The following RSU1 variants were observed in gnomAD, a reference collection of about 807,000 sequenced individuals.
The protein encoded by RSU1 is Ras suppressor protein 1.
RSU1 carries 26 observed loss-of-function variants against 31.1 expected under a neutral mutation model. The observed-to-expected ratio is 0.84, with a 90% CI of 0.61 to 1.16. The LOEUF (loss-of-function observed/expected upper bound fraction) is 1.16. Ranked by LOEUF, RSU1 falls within the 50% of genes most tolerant of loss-of-function variation. RSU1 has a pLI of 0.00. For missense variants in RSU1, 320 were observed against 339.1 expected (o/e 0.94, Z 0.44); for synonymous variants, 164 against 136.3 (o/e 1.20, Z -1.41).
intron 2 of RSU1, among the ~76,000 whole-genome samples, chr10:16,799,239 A>C (rs1056203683): frequency 3.9e-5 from 6 of 152,228 alleles, no homozygotes; most frequent in Non-Finnish European, 8.8e-5. Flanking sequence ...TCTGGTTAGC[A>C]AATAGAGATT....
intron 7 of RSU1, among the ~76,000 whole-genome samples, chr10:16,717,709 T>G (rs1476284675): frequency 6.6e-6 from 1 of 152,168 alleles, no homozygotes; most frequent in African/African-American, 2.4e-5. Flanking sequence ...GGACATAAAC[T>G]GTTGTACTTC....
intron 3 of RSU1, among the ~76,000 whole-genome samples, chr10:16,769,582 G>C (rs1171027833): frequency 6.6e-6 from 1 of 152,196 alleles, no homozygotes. Context: ...GGGTATCCCG[G>C]AGTTTCTGAT....
intron 8 of RSU1, among the ~76,000 whole-genome samples, chr10:16,654,349 C>T (rs1485763915): frequency 3.2e-5 from 4 of 125,128 alleles, no homozygotes; most frequent in Non-Finnish European, 3.2e-5. Context: ...TTGTTGCCTA[C>T]ACCTAAATTT....
At chr10:16,620,381 G>A (rs1397174212) in intron 8 of RSU1, among the ~76,000 whole-genome samples, 1 of 151,958 alleles carries the variant, frequency 6.6e-6, no homozygotes, top group Non-Finnish European at 1.5e-5. Flanking sequence ...GGAGGGGAGG[G>A]AGGATCTGCT....
At chr10:16,800,635 T>C (rs1037166686) in intron 2 of RSU1, among the ~76,000 whole-genome samples, 3 of 152,164 alleles carry the variant, frequency 2.0e-5, no homozygotes, top group Non-Finnish European at 2.9e-5. Context: ...TTGATTATAG[T>C]TTACAGATAA....
At chr10:16,651,095 T>C (rs1158140137) in intron 8 of RSU1, among the ~76,000 whole-genome samples, 1 of 152,220 alleles carries the variant, frequency 6.6e-6, no homozygotes, top group Non-Finnish European at 1.5e-5. Flanking sequence ...GAATTTTTAC[T>C]ATGAAATAGT....
At chr10:16,657,529 G>GAAAA (rs397945910) in intron 8 of RSU1, among the ~76,000 whole-genome samples, 1 of 133,098 alleles carries the variant, frequency 7.5e-6, no homozygotes, top group African/African-American at 2.7e-5. Flanking sequence ...AATCATACTA[G>GAAAA]AAAAAAAAAA....
chr10:16,723,063 T>C (rs1836313897), intron 7 of RSU1: 1 of 151,392 alleles, frequency 6.6e-6, no homozygotes, highest in Non-Finnish European at 1.5e-5. Flanking sequence ...CACATATATA[T>C]CATGTGATAT....
intron 7 of RSU1, among the ~76,000 whole-genome samples, chr10:16,706,167 T>G (rs1057240462): frequency 6.6e-5 from 10 of 152,354 alleles, no homozygotes; most frequent in Admixed American, 6.5e-4. Flanking sequence ...GAAGTGAAAC[T>G]GCTGGGTCGT....
intron 7 of RSU1, among the ~76,000 whole-genome samples, chr10:16,725,458 A>G (rs1254226050): frequency 3.3e-5 from 5 of 152,196 alleles, no homozygotes; most frequent in Non-Finnish European, 7.3e-5. Context: ...TGTTCCCTCT[A>G]CAATTCAAGT....
chr10:16,651,461 G>C (rs1440318175), intron 8 of RSU1, among the ~76,000 whole-genome samples: 1 of 152,130 alleles, frequency 6.6e-6, no homozygotes, highest in Non-Finnish European at 1.5e-5. Context: ...CCACTGCTGG[G>C]TTTCCCTGCT....
rs11411668 is a variant in RSU1 at position 16,718,097 on chromosome 10, TA to T, written c.599-22943del. ...AGGTGTTTCCAAAGCTCAATTTATT[TA>T]AAAAAAAAAAAAAAAGAAAGAAAGA... On this transcript the variant is annotated intron_variant, in intron 7 of 8. Coordinates refer to ENST00000345264, the MANE Select transcript of RSU1 (RefSeq NM_012425.4). Among the ~76,000 whole-genome samples the T allele has an allele frequency of 4.1e-3, 553 of 136,174 alleles. 4 individuals carry two copies. The highest frequency in any genetic ancestry group is 7.0e-3 in the Admixed American group (96 of 13,628). The allele number at this position is 136,174 out of a possible 152,430, so 89.3% of individuals were successfully genotyped here. A position where few individuals can be genotyped will look rare whatever the true frequency, so the allele number is the denominator to read the frequency against.
At chr10:16,665,909 T>C (rs1266293842) in intron 8 of RSU1, among the ~76,000 whole-genome samples, 11 of 152,200 alleles carry the variant, frequency 7.2e-5, no homozygotes, top group African/African-American at 2.7e-4. Context: ...TTATGAATAA[T>C]TTTAATAAAT....
At chr10:16,789,189 A>T (rs1324588716) in intron 2 of RSU1, among the ~76,000 whole-genome samples, 1 of 152,208 alleles carries the variant, frequency 6.6e-6, no homozygotes, top group Non-Finnish European at 1.5e-5. Context: ...GAGAAACTAA[A>T]AAAGTTTAAA....
At chr10:16,683,976 TTAAGA>T (rs1198274643) in intron 8 of RSU1, among the ~76,000 whole-genome samples, 4 of 152,160 alleles carry the variant, frequency 2.6e-5, no homozygotes, top group Non-Finnish European at 5.9e-5. Flanking sequence ...AATGCTCAGG[TTAAGA>T]TAAAAGATTG....
intron 8 of RSU1, among the ~76,000 whole-genome samples, chr10:16,656,844 A>C (rs2131522026): frequency 6.6e-6 from 1 of 152,350 alleles, no homozygotes; most frequent in East Asian, 1.9e-4. Flanking sequence ...CTAATTAAAA[A>C]ATTCCCCACT....
At chr10:16,783,558 G>A (rs962170334) in intron 2 of RSU1, among the ~76,000 whole-genome samples, 2 of 151,608 alleles carry the variant, frequency 1.3e-5, no homozygotes, top group African/African-American at 4.9e-5. Flanking sequence ...GTTTCACCAT[G>A]TTAGCCAGGA....
intron 7 of RSU1, among the ~76,000 whole-genome samples, chr10:16,741,063 C>G (rs548792651): frequency 6.6e-5 from 10 of 152,232 alleles, no homozygotes; most frequent in African/African-American, 2.2e-4. Flanking sequence ...TAAAAACTTA[C>G]TACAAAGCAA....
chr10:16,648,888 A>G (rs1483421356), intron 8 of RSU1, among the ~76,000 whole-genome samples: 1 of 152,182 alleles, frequency 6.6e-6, no homozygotes, highest in African/African-American at 2.4e-5. Flanking sequence ...TCACAACTAT[A>G]AAAGCATTAG....
Sources: gnomAD v4.1 joint callset for allele counts (sites outside exome capture counted in the v4.1 genomes callset) on GRCh38, gnomAD v4.1.1 for gene constraint, MANE v1.5 for transcripts, NCBI Gene and HGNC (gene_info 2026-07-23, HGNC 2026-07-21) for gene names.